The following PMM2 variants were observed in gnomAD, a reference collection of about 807,000 sequenced individuals.
PMM2 encodes phosphomannomutase 2.
A neutral mutation model predicts 33.2 loss-of-function variants in PMM2; 35 were observed. The ratio of observed to expected loss-of-function variants is 1.06; its 90% CI spans 0.81 to 1.40. The LOEUF (loss-of-function observed/expected upper bound fraction) is 1.40, where lower values mean the gene tolerates loss of function less well. PMM2 is among the 40% of genes most tolerant of loss of function. The pLI is 0.00. For synonymous variants in PMM2, 153 were observed against 114.7 expected, an observed-to-expected ratio of 1.33 and a Z score of -2.13; for missense variants, 386 against 306.0, an observed-to-expected ratio of 1.26 and a Z score of -1.95.
At position 8,834,675 on chromosome 16, in the gene PMM2, G is replaced by A. The variant is rs566115906; in HGVS notation, c.640-13049G>A. 3.3e-3 allele frequency among the ~76,000 whole-genome samples: 504 copies of A among 151,924 alleles called. 1 individual carries two copies. Among genetic ancestry groups the A allele is most frequent in the Middle Eastern group, 0.017 (5 of 294 alleles). ...TATTTCCTTGAGGATAGATTTCCAC[G>A]ATGGAAAGGAAATGAGACGTTCTAA... On this transcript the variant is annotated intron_variant, in intron 7 of 7. Coordinates refer to ENST00000268261, the MANE Select transcript of PMM2 (RefSeq NM_000303.3).
intron 7 of PMM2, among the ~76,000 whole-genome samples, chr16:8,815,589 G>C (rs932304470): frequency 6.6e-6 from 1 of 152,046 alleles, no homozygotes; most frequent in African/African-American, 2.4e-5. Context: ...AGTTGTTTCC[G>C]TATCTTGGCC....
At chr16:8,829,638 C>G (rs7187705) in intron 7 of PMM2, among the ~76,000 whole-genome samples, 34,105 of 151,982 alleles carry the variant, frequency 0.22, 4,259 homozygotes, top group South Asian at 0.33. Context: ...GGAAGGGACG[C>G]CTTCCACCGG....
chr16:8,834,810 A>C (rs2060832960), intron 7 of PMM2, among the ~76,000 whole-genome samples: 2 of 152,196 alleles, frequency 1.3e-5, no homozygotes, highest in Admixed American at 1.3e-4. Context: ...GGTGAGGAAC[A>C]GGAAAGAAGG....
In PMM2 at chr16:8,832,052, C is replaced by T. The variant is rs114648316; in HGVS notation, c.640-15672C>T. ...GCATTTGAAATTTCCGGTTCTCTAG[C>T]CTTATTATTCTAGAGGGCAGCCAGC... On this transcript the variant is annotated intron_variant, in intron 7 of 7. Transcript: ENST00000268261. 2,871 of 731,938 alleles carry T rather than the reference C, an allele frequency of 3.9e-3. 86 individuals are homozygous for T. The African/African-American group carries it at 0.051, about 13-fold the overall frequency. 45.3% of individuals were successfully genotyped at this position (731,938 alleles called of 1,614,324 possible). A position where few individuals can be genotyped will look rare whatever the true frequency, so the allele number is the denominator to read the frequency against.
At chr16:8,841,414 TC>T (rs1950087104) in intron 7 of PMM2, among the ~76,000 whole-genome samples, 1 of 148,980 alleles carries the variant, frequency 6.7e-6, no homozygotes, top group African/African-American at 2.5e-5. Context: ...GTTATCTGAC[TC>T]GGGGCATGTT....
In PMM2 at chr16:8,840,397, G is replaced by A. The variant is rs550721692; in HGVS notation, c.640-7327G>A. On this transcript the variant is annotated intron_variant, in intron 7 of 7. Transcript: ENST00000268261. ...ATGGCTTGAAGAAACAGTGTAAACC[G>A]GCCGTGTAAACAAGAGTAGGGCATT... 8.2e-4 allele frequency among the ~76,000 whole-genome samples: 125 copies of A among 152,012 alleles called. 1 individual carries two copies. The highest frequency in any genetic ancestry group is 4.2e-3 in the South Asian group (20 of 4,804).
chr16:8,827,704 C>T (rs1302410578), intron 7 of PMM2, among the ~76,000 whole-genome samples: 1 of 117,774 alleles, frequency 8.5e-6, no homozygotes, highest in Non-Finnish European at 1.7e-5. Flanking sequence ...CCCACAAAGG[C>T]CTTTTAAATG....
chr16:8,847,914 C>T lies in PMM2; in HGVS notation c.*89C>T. 1.0e-6 allele frequency: 1 copy of T among 955,712 alleles called. No homozygotes were observed. The highest frequency in any genetic ancestry group is 1.7e-6 in the Non-Finnish European group (1 of 604,682). The allele number at this position is 955,712 out of a possible 1,614,324, so 59.2% of individuals were successfully genotyped here. A position where few individuals can be genotyped will look rare whatever the true frequency, so the allele number is the denominator to read the frequency against. On this transcript the variant is annotated 3_prime_UTR_variant, in exon 8 of 8. Transcript: ENST00000268261. The stretch of plus-strand genomic sequence containing the variant: ...CCGAGGGTCCTCCCACACGTGCTCA[C>T]CCACCCGCAGCCTAGGCAGGCTCTG...
At chr16:8,811,044 T>A in intron 4 of PMM2, 35 bp from the exon 5 acceptor site, 4 of 1,295,156 alleles carry the variant, frequency 3.1e-6, no homozygotes, top group Non-Finnish European at 4.4e-6. Context: ...GAATAACGTG[T>A]TTTTGGAGAA....
At chr16:8,835,520 G>A (rs747149883) in intron 7 of PMM2, among the ~76,000 whole-genome samples, 4 of 152,030 alleles carry the variant, frequency 2.6e-5, no homozygotes, top group African/African-American at 9.7e-5. Flanking sequence ...TTGAGATCCA[G>A]AACAGAATAA....
chr16:8,816,948 G>A (rs550096413), intron 7 of PMM2, among the ~76,000 whole-genome samples: 1 of 152,072 alleles, frequency 6.6e-6, no homozygotes. Flanking sequence ...GATACCTGCT[G>A]TTTAAAATAA....
In PMM2 at chr16:8,811,738, C is replaced by G. The variant is rs767130976; in HGVS notation, c.523+25C>G. 4 of 1,511,194 alleles carry G rather than the reference C, an allele frequency of 2.6e-6. No homozygotes were observed. In the Admixed American group the frequency reaches 6.7e-5, roughly 25 times the overall value. 93.6% of individuals were successfully genotyped at this position (1,511,194 alleles called of 1,614,324 possible). ...GGTATTGTATATATTGCCTGTGTTC[C>G]AAACTTGGATACCCATTTCCCAGAG... is the stretch of plus-strand genomic sequence containing the variant. On this transcript the variant is annotated intron_variant, in intron 6 of 7. Transcript: ENST00000268261.
chr16:8,848,028 C>T lies in PMM2; in HGVS notation c.*203C>T, dbSNP rs1567172258. ...AGGAGAAAACTCTTGTCAAGAATGG[C>T]CCAGAGGAATGCCTCGCACAAAAGG... On this transcript the variant is annotated 3_prime_UTR_variant, in exon 8 of 8. Coordinates refer to ENST00000268261, the MANE Select transcript of PMM2 (RefSeq NM_000303.3). The T allele has an allele frequency of 1.7e-6, 1 of 585,442 alleles. No individual in the cohort carries two copies. Among genetic ancestry groups the T allele is most frequent in the South Asian group, 1.9e-5 (1 of 51,806 alleles). 36.3% of individuals were successfully genotyped at this position (585,442 alleles called of 1,614,324 possible). A position where few individuals can be genotyped will look rare whatever the true frequency, so the allele number is the denominator to read the frequency against.
intron 7 of PMM2, among the ~76,000 whole-genome samples, chr16:8,844,056 T>C (rs146570157): frequency 0.011 from 1,698 of 152,292 alleles, 29 homozygotes; most frequent in African/African-American, 0.039. Context: ...TCAGACTGTT[T>C]GCCCATTTTA....
intron 7 of PMM2, among the ~76,000 whole-genome samples, chr16:8,846,214 C>T (rs2060924890): frequency 6.6e-6 from 1 of 152,168 alleles, no homozygotes; most frequent in East Asian, 1.9e-4. Context: ...GGCCATCTGC[C>T]TGGGGATAGG....
intron 7 of PMM2, among the ~76,000 whole-genome samples, chr16:8,817,978 A>G (rs1409918612): frequency 6.8e-6 from 1 of 146,808 alleles, no homozygotes; most frequent in Non-Finnish European, 1.5e-5. Flanking sequence ...ATCTCGGCTC[A>G]CTGTAAGCTC....
rs1287224423 is a variant in PMM2, at chr16:8,838,065, AAG to A, written c.640-9654_640-9653del. Among the ~76,000 whole-genome samples the A allele has an allele frequency of 2.6e-5, 4 of 152,124 alleles. 1 individual carries two copies. Among genetic ancestry groups the A allele is most frequent in the Admixed American group, 6.5e-5 (1 of 15,274 alleles). On this transcript the variant is annotated intron_variant, in intron 7 of 7. Coordinates refer to ENST00000268261, the MANE Select transcript of PMM2 (RefSeq NM_000303.3). ...TGGGTGCAGGCGGGCTGAGTCCGAAAAGAGAGTCAGCAAAGGGTGGTGGATTA... is the reference window on the plus strand; with the variant it reads ...TGGGTGCAGGCGGGCTGAGTCCGAAAAGAGTCAGCAAAGGGTGGTGGATTA...
chr16:8,838,105 A>T (rs1316221989), intron 7 of PMM2, among the ~76,000 whole-genome samples: 1 of 152,006 alleles, frequency 6.6e-6, no homozygotes, highest in Non-Finnish European at 1.5e-5. Context: ...ATTAGTTCTT[A>T]TGGGTTTTGG....
At chr16:8,813,420 G>A (rs544953940) in intron 7 of PMM2, among the ~76,000 whole-genome samples, 8 of 152,256 alleles carry the variant, frequency 5.3e-5, no homozygotes, top group Middle Eastern at 3.4e-3. Context: ...AACCCTCTGC[G>A]TTTCAAAGCT....
Sources: gnomAD v4.1 joint callset for allele counts (sites outside exome capture counted in the v4.1 genomes callset) on GRCh38, gnomAD v4.1.1 for gene constraint, MANE v1.5 for transcripts, NCBI Gene and HGNC (gene_info 2026-07-23, HGNC 2026-07-21) for gene names.